SHLD1: variants seen among roughly 807,000 people sequenced by gnomAD.
The protein encoded by SHLD1 is shieldin complex subunit 1.
Under a neutral mutation model 5.5 loss-of-function variants are expected in SHLD1, and 3 were observed. The observed-to-expected ratio is 0.54, with a 90% CI of 0.25 to 1.40. The LOEUF is 1.40. Ranked by LOEUF, SHLD1 falls within the 40% of genes most tolerant of loss-of-function variation. The probability of loss-of-function intolerance (pLI) is 0.15; values close to 1 mark genes in which losing one functional copy is unlikely to be tolerated. For synonymous variants in SHLD1, 92 were observed against 94.3 expected (o/e 0.98, Z 0.14); for missense variants, 210 against 244.4 (o/e 0.86, Z 0.94).
intron 2 of SHLD1, among the ~76,000 whole-genome samples, chr20:5,847,333 A>G (rs1375156447): frequency 6.6e-6 from 1 of 152,144 alleles, no homozygotes; most frequent in Non-Finnish European, 1.5e-5. Context: ...TAGAATAGAA[A>G]ACCAGTATCA....
intron 2 of SHLD1, among the ~76,000 whole-genome samples, chr20:5,781,944 C>G (rs971968929): frequency 6.6e-6 from 1 of 152,178 alleles, no homozygotes; most frequent in South Asian, 2.1e-4. Flanking sequence ...CAGGTGCACA[C>G]GAGCTGAATA....
chr20:5,755,614 G>C (rs1002477177), intron 1 of SHLD1, among the ~76,000 whole-genome samples: 4 of 151,962 alleles, frequency 2.6e-5, no homozygotes, highest in African/African-American at 9.6e-5. Context: ...GGCTGGAGTG[G>C]AATGGTGTCA....
At chr20:5,849,435 A>G (rs966661720) in intron 2 of SHLD1, among the ~76,000 whole-genome samples, 9 of 152,226 alleles carry the variant, frequency 5.9e-5, no homozygotes, top group African/African-American at 2.2e-4. Flanking sequence ...TTAGCCAAAA[A>G]CAAAAGTCTG....
At chr20:5,800,574 C>G (rs1213927224) in intron 2 of SHLD1, among the ~76,000 whole-genome samples, 1 of 151,956 alleles carries the variant, frequency 6.6e-6, no homozygotes, top group Non-Finnish European at 1.5e-5. Context: ...CCTGTAATCC[C>G]AACTATTCAG....
intron 2 of SHLD1, among the ~76,000 whole-genome samples, chr20:5,850,149 A>AATAATAATT (rs1555777754): frequency 4.1e-5 from 6 of 146,054 alleles, no homozygotes; most frequent in African/African-American, 1.0e-4. Context: ...TAATAATAAT[A>AATAATAATT]ATTAACTGAG....
At chr20:5,812,080 C>CTTTTTTTTTTTTTTTTTTTTTT (rs1200570680) in intron 2 of SHLD1, among the ~76,000 whole-genome samples, 2 of 136,814 alleles carry the variant, frequency 1.5e-5, no homozygotes, top group African/African-American at 5.4e-5. Flanking sequence ...TTTTTTTTTT[C>CTTTTTTTTTTTTTTTTTTTTTT]TTTTTTTTTC....
rs567681285 is a variant in SHLD1, at chr20:5,846,412, T to C, written c.179-16612T>C. Among the ~76,000 whole-genome samples, 8 of 152,346 alleles carry C rather than the reference T, an allele frequency of 5.3e-5. No individual in the cohort carries two copies. The East Asian group carries it at 1.2e-3, about 22-fold the overall frequency. ...ATCTTAATTAGCTGCTCACATTTAA[T>C]GTGACTTGGCCGCAGTAAACAGTCG... On this transcript the variant is annotated intron_variant, in intron 2 of 2. Transcript: ENST00000303142.
intron 1 of SHLD1, among the ~76,000 whole-genome samples, chr20:5,768,357 C>T (rs1433210603): frequency 6.6e-6 from 1 of 152,218 alleles, no homozygotes; most frequent in Non-Finnish European, 1.5e-5. Flanking sequence ...GCACACTTTC[C>T]CCTAGCCATG....
intron 2 of SHLD1, among the ~76,000 whole-genome samples, chr20:5,831,404 A>G (rs2087727205): frequency 6.6e-6 from 1 of 152,180 alleles, no homozygotes; most frequent in Non-Finnish European, 1.5e-5. Flanking sequence ...AAAAGAGCAT[A>G]GTTTAGCGGT....
chr20:5,759,911 T>C (rs1984361453), intron 1 of SHLD1, among the ~76,000 whole-genome samples: 1 of 152,012 alleles, frequency 6.6e-6, no homozygotes. Context: ...TCCCAAATAA[T>C]GTTTTCCAGA....
Position 5,855,013 on chromosome 20 carries a change from A to G in SHLD1, c.179-8011A>G, listed in dbSNP as rs149847291. ...CTCAGCCTCCCAAGTAGCCGGGACT[A>G]CAGGCATGAACCACCATGGCCGGCT... On this transcript the variant is annotated intron_variant, in intron 2 of 2. Transcript: ENST00000303142. This position sits in a 1 kb window ranked among gnomAD's most constrained non-coding sequence, Gnocchi z 4.4. Among the ~76,000 whole-genome samples the G allele has an allele frequency of 3.8e-3, 582 of 152,136 alleles. 6 individuals are homozygous for G. The highest frequency in any genetic ancestry group is 0.014 in the African/African-American group (563 of 41,496).
intron 2 of SHLD1, among the ~76,000 whole-genome samples, chr20:5,827,561 A>G (rs1322636177): frequency 7.0e-6 from 1 of 142,444 alleles, no homozygotes; most frequent in Non-Finnish European, 1.5e-5. Flanking sequence ...CAGGCCCCCC[A>G]TCTCTGTCCC....
rs183914009 is a variant in SHLD1, at chr20:5,785,466, C to G, written c.178+12423C>G. 3.6e-3 allele frequency among the ~76,000 whole-genome samples: 544 copies of G among 152,238 alleles called. 4 individuals carry two copies. The highest frequency in any genetic ancestry group is 6.8e-3 in the Middle Eastern group (2 of 294). ...GCAAAGGCAGACCTTTAAAGAAATG[C>G]AGACATCTAGGTATGATTACATACT... On this transcript the variant is annotated intron_variant, in intron 2 of 2. Coordinates refer to ENST00000303142, the MANE Select transcript of SHLD1 (RefSeq NM_152504.4).
rs988307653 is a variant in SHLD1 at position 5,863,525 on chromosome 20, T to G, written c.*62T>G. ...GCTGTGCCATGACCAGCAGTGTTGG[T>G]GGCCACCCAGATCCCCTAGGGTCTC... On this transcript the variant is annotated 3_prime_UTR_variant, in exon 3 of 3. Transcript: ENST00000303142. 1 of 1,494,742 alleles carries G rather than the reference T, an allele frequency of 6.7e-7. No homozygotes were observed. Among genetic ancestry groups the G allele is most frequent in the African/African-American group, 1.4e-5 (1 of 71,406 alleles). 92.6% of individuals were successfully genotyped at this position (1,494,742 alleles called of 1,614,324 possible).
At chr20:5,850,363 C>T (rs144375016) in intron 2 of SHLD1, among the ~76,000 whole-genome samples, 1 of 152,080 alleles carries the variant, frequency 6.6e-6, no homozygotes, top group Non-Finnish European at 1.5e-5. Context: ...GGATTCTCTG[C>T]ACCTTCCAGA....
At chr20:5,752,441 T>C (rs1389132759) in intron 1 of SHLD1, among the ~76,000 whole-genome samples, 13 of 151,654 alleles carry the variant, frequency 8.6e-5, no homozygotes, top group African/African-American at 3.1e-4. Flanking sequence ...TAAATGTCTC[T>C]TTTTGGAAAT....
At chr20:5,757,527 G>T (rs951956817) in intron 1 of SHLD1, among the ~76,000 whole-genome samples, 3 of 151,940 alleles carry the variant, frequency 2.0e-5, no homozygotes, top group African/African-American at 7.3e-5. Flanking sequence ...TCAAAAACTT[G>T]TGTGTGTGTG....
At chr20:5,765,806 A>T (rs1311809905) in intron 1 of SHLD1, among the ~76,000 whole-genome samples, 5 of 95,422 alleles carry the variant, frequency 5.2e-5, no homozygotes, top group African/African-American at 1.6e-4. Flanking sequence ...TAAGTAGAGG[A>T]CAGGGTTTCA....
chr20:5,755,424 A>T (rs1029875781), intron 1 of SHLD1, among the ~76,000 whole-genome samples: 2 of 152,196 alleles, frequency 1.3e-5, no homozygotes, highest in Non-Finnish European at 2.9e-5. Flanking sequence ...ATGCCTGATG[A>T]TCGGAAGTAG....
Sources: allele counts gnomAD v4.1 joint callset (sites outside exome capture counted in the v4.1 genomes callset), GRCh38; gene constraint gnomAD v4.1.1; non-coding constraint Gnocchi (gnomAD v3.1); transcripts MANE v1.5; gene names NCBI Gene and HGNC (gene_info 2026-07-23, HGNC 2026-07-21).